The following C10orf90 variants were observed in gnomAD, a reference collection of about 807,000 sequenced individuals.
C10orf90 encodes (E2-independent) E3 ubiquitin-conjugating enzyme FATS.
In C10orf90, 56 loss-of-function variants were observed where a neutral mutation model predicts 62.5. That is an observed-to-expected ratio of 0.90 (90% CI 0.72 to 1.12). The LOEUF is 1.12. Among genes scored for constraint, C10orf90 ranks in the 50% most tolerant of loss-of-function variants. The pLI, the probability that C10orf90 is intolerant of heterozygous loss-of-function variation, is 0.00. For synonymous variants in C10orf90, 386 were observed against 340.4 expected, an observed-to-expected ratio of 1.13 and a Z score of -1.47; for missense variants, 970 against 880.4, an observed-to-expected ratio of 1.10 and a Z score of -1.29.
chr10:126,605,051 G>A (rs527865361), intron 2 of C10orf90, among the ~76,000 whole-genome samples: 6 of 152,282 alleles, frequency 3.9e-5, no homozygotes, highest in Non-Finnish European at 7.4e-5. Flanking sequence ...CAAAGAACTC[G>A]ATTTTCAAAT....
chr10:126,438,964 A>C (rs1483289392), intron 7 of C10orf90, among the ~76,000 whole-genome samples: 4 of 151,822 alleles, frequency 2.6e-5, no homozygotes, highest in African/African-American at 4.8e-5. Context: ...ATATGTACCC[A>C]TGCCCCAGAC....
At chr10:126,435,312 T>A (rs944046186) in intron 7 of C10orf90, among the ~76,000 whole-genome samples, 1 of 152,228 alleles carries the variant, frequency 6.6e-6, no homozygotes, top group Non-Finnish European at 1.5e-5. Flanking sequence ...AAAAATCTGT[T>A]TCCTTTTGCA....
At chr10:126,577,140 G>A (rs1844644014) in intron 2 of C10orf90, among the ~76,000 whole-genome samples, 1 of 151,726 alleles carries the variant, frequency 6.6e-6, no homozygotes, top group African/African-American at 2.4e-5. Context: ...TAGCTGGGAG[G>A]ATATTGAATA....
At chr10:126,560,376 G>C (rs971894843) in intron 2 of C10orf90, among the ~76,000 whole-genome samples, 1 of 152,140 alleles carries the variant, frequency 6.6e-6, no homozygotes, top group Non-Finnish European at 1.5e-5. Flanking sequence ...TTCGAGGCAC[G>C]GTGATAAATG....
intron 1 of C10orf90, among the ~76,000 whole-genome samples, 176 bp from the exon 2 acceptor site, chr10:126,646,813 A>G (rs371123403): frequency 2.0e-5 from 3 of 152,288 alleles, no homozygotes; most frequent in East Asian, 3.9e-4. Context: ...GGTTACCTCT[A>G]TCAATGACTA....
intron 2 of C10orf90, among the ~76,000 whole-genome samples, chr10:126,615,041 T>C (rs1466883622): frequency 4.6e-5 from 7 of 152,342 alleles, no homozygotes; most frequent in African/African-American, 1.7e-4. Context: ...CTTGCTTCCA[T>C]GCCTGGGTCC....
At chr10:126,539,871 T>C (rs4962577) in intron 2 of C10orf90, among the ~76,000 whole-genome samples, 99,496 of 152,014 alleles carry the variant, frequency 0.65, 33,552 homozygotes, top group African/African-American at 0.82. Flanking sequence ...TTCCCAGGCT[T>C]ACTAGGGGTG....
intron 4 of C10orf90, 116 bp downstream of exon 4, chr10:126,503,841 G>T: frequency 1.6e-6 from 2 of 1,271,876 alleles, no homozygotes; most frequent in Non-Finnish European, 2.1e-6. Flanking sequence ...GCAGATCACT[G>T]CAAGTCTACT....
intron 2 of C10orf90, among the ~76,000 whole-genome samples, chr10:126,546,424 G>C (rs1864493581): frequency 6.6e-6 from 1 of 152,182 alleles, no homozygotes; most frequent in Non-Finnish European, 1.5e-5. Context: ...CCACCCAGCA[G>C]TAAGGAGGTA....
At chr10:126,647,632 T>C (rs1358871139) in intron 1 of C10orf90, among the ~76,000 whole-genome samples, 1 of 152,212 alleles carries the variant, frequency 6.6e-6, no homozygotes, top group Non-Finnish European at 1.5e-5. Flanking sequence ...GAGAGTTATT[T>C]TCTACCATCT....
chr10:126,555,575 A>T (rs573855305), intron 2 of C10orf90, among the ~76,000 whole-genome samples: 18 of 151,860 alleles, frequency 1.2e-4, no homozygotes, highest in African/African-American at 4.1e-4. Flanking sequence ...GCTACTCGGG[A>T]GGCTGAGGCA....
intron 2 of C10orf90, 64 bp from the exon 3 acceptor site, chr10:126,514,003 C>G: frequency 8.5e-7 from 1 of 1,174,846 alleles, no homozygotes; most frequent in Non-Finnish European, 1.2e-6. Flanking sequence ...GAATATATAA[C>G]TCTACTGTAA....
At chr10:126,511,388 C>T (rs980096131) in intron 3 of C10orf90, among the ~76,000 whole-genome samples, 4 of 152,168 alleles carry the variant, frequency 2.6e-5, no homozygotes, top group African/African-American at 9.7e-5. Context: ...CATTTACTCT[C>T]TTAGCCATTT....
intron 2 of C10orf90, among the ~76,000 whole-genome samples, chr10:126,622,048 C>G (rs930263523): frequency 1.3e-5 from 2 of 152,020 alleles, no homozygotes; most frequent in African/African-American, 4.8e-5. Context: ...TGGTTGGGTC[C>G]TCCTCCCATT....
chr10:126,531,781 A>T (rs950914949), intron 2 of C10orf90, among the ~76,000 whole-genome samples: 1 of 152,212 alleles, frequency 6.6e-6, no homozygotes, highest in Non-Finnish European at 1.5e-5. Context: ...GGTAAATTAG[A>T]CTGCATTAAA....
intron 2 of C10orf90, among the ~76,000 whole-genome samples, chr10:126,620,678 AG>A (rs1845627440): frequency 6.6e-6 from 1 of 151,698 alleles, no homozygotes; most frequent in Non-Finnish European, 1.5e-5. Context: ...CCCTCCTTGG[AG>A]GGTGGGAGAG....
chr10:126,659,054 C>A (rs557579981), intron 1 of C10orf90, among the ~76,000 whole-genome samples: 1 of 152,164 alleles, frequency 6.6e-6, no homozygotes, highest in Admixed American at 6.5e-5. Context: ...AGTGGCTGCA[C>A]GCATTGGGAA....
chr10:126,659,967 C>T (rs953684357), intron 1 of C10orf90, among the ~76,000 whole-genome samples: 2 of 152,246 alleles, frequency 1.3e-5, no homozygotes, highest in African/African-American at 4.8e-5. Flanking sequence ...GTGCCAGGGG[C>T]ACATGGTGAG....
At position 126,642,229 on chromosome 10, in the gene C10orf90, C is replaced by T. The variant is rs114273254; in HGVS notation, c.313+4336G>A. Among the ~76,000 whole-genome samples, 844 of 152,208 alleles carry T rather than the reference C, an allele frequency of 5.5e-3. 5 individuals are homozygous for T. Among genetic ancestry groups the T allele is most frequent in the African/African-American group, 0.018 (748 of 41,528 alleles). On this transcript the variant is annotated intron_variant, in intron 2 of 9. Transcript: ENST00000488181. ...GATGGCAAGGTCAACGCTGGCACTACGTACTTCAATTTAAAAGACAAGGCT... is the reference window on the plus strand; with the variant it reads ...GATGGCAAGGTCAACGCTGGCACTATGTACTTCAATTTAAAAGACAAGGCT...
Sources: allele counts gnomAD v4.1 joint callset (sites outside exome capture counted in the v4.1 genomes callset), GRCh38; gene constraint gnomAD v4.1.1; transcripts MANE v1.5; gene names NCBI Gene and HGNC (gene_info 2026-07-23, HGNC 2026-07-21).